RCAN2: variants seen among roughly 807,000 people sequenced by gnomAD.
RCAN2 encodes calcipressin-2.
RCAN2 carries 9 observed loss-of-function variants against 23.6 expected under a neutral mutation model. The observed-to-expected ratio is 0.38, with a 90% CI of 0.23 to 0.67. The LOEUF (loss-of-function observed/expected upper bound fraction) is 0.67, where lower values mean the gene tolerates loss of function less well. RCAN2 is among the 30% of genes least tolerant of loss of function. The probability of loss-of-function intolerance (pLI) is 0.51; values close to 1 mark genes in which losing one functional copy is unlikely to be tolerated. For missense variants in RCAN2, 273 were observed against 302.3 expected (o/e 0.90, Z 0.72); for synonymous variants, 109 against 115.7 (o/e 0.94, Z 0.37).
At chr6:46,440,260 T>C (rs57665234) in intron 2 of RCAN2, among the ~76,000 whole-genome samples, 3,657 of 152,310 alleles carry the variant, frequency 0.024, 74 homozygotes, top group South Asian at 0.12. Flanking sequence ...AATTACCCAG[T>C]GCTTTTCTAA....
intron 2 of RCAN2, among the ~76,000 whole-genome samples, chr6:46,332,125 C>G (rs986285741): frequency 5.9e-5 from 9 of 152,018 alleles, no homozygotes; most frequent in African/African-American, 2.2e-4. Context: ...TTTTTGATGC[C>G]TAATGATTGT....
intron 4 of RCAN2, among the ~76,000 whole-genome samples, chr6:46,238,452 AGG>A (rs1242565639): frequency 6.6e-6 from 1 of 152,198 alleles, no homozygotes; most frequent in East Asian, 1.9e-4. Flanking sequence ...GTGAGACCCA[AGG>A]ATGCTAAATG....
At chr6:46,474,173 T>C (rs745633925) in intron 1 of RCAN2, among the ~76,000 whole-genome samples, 1 of 149,502 alleles carries the variant, frequency 6.7e-6, no homozygotes, top group Non-Finnish European at 1.5e-5. Context: ...AATTGGTGAA[T>C]AGGTAGAGAG....
intron 2 of RCAN2, among the ~76,000 whole-genome samples, chr6:46,318,166 G>T (rs1763501399): frequency 1.3e-5 from 2 of 152,274 alleles, no homozygotes; most frequent in East Asian, 1.9e-4. Context: ...TTAAATGTTT[G>T]GGGTACAGCA....
rs1766121682 is a variant in RCAN2, at chr6:46,397,372, A to ACACACAC, written c.225+59379_225+59380insGTGTGTG. ...TCCATATAGGATAAAATTTCACAGA[A>ACACACAC]ACACACACACACACACACACACACA... is the stretch of plus-strand genomic sequence containing the variant. On this transcript the variant is annotated intron_variant, in intron 2 of 4. Transcript: ENST00000371374. Among the ~76,000 whole-genome samples, 44 of 146,240 alleles carry ACACACAC rather than the reference A, an allele frequency of 3.0e-4. No individual in the cohort carries two copies. The South Asian group carries it at 9.6e-3, about 32-fold the overall frequency.
At chr6:46,473,721 T>C (rs1233233143) in intron 1 of RCAN2, among the ~76,000 whole-genome samples, 1 of 152,158 alleles carries the variant, frequency 6.6e-6, no homozygotes, top group Non-Finnish European at 1.5e-5. Flanking sequence ...ATTTTGACTG[T>C]GGATAAGGGA....
chr6:46,361,449 A>T (rs1424429137), intron 2 of RCAN2, among the ~76,000 whole-genome samples: 1 of 152,186 alleles, frequency 6.6e-6, no homozygotes, highest in Admixed American at 6.5e-5. Context: ...AAAAAGAACT[A>T]GTTTGACTAT....
intron 2 of RCAN2, among the ~76,000 whole-genome samples, chr6:46,268,088 C>T (rs1403452066): frequency 4.6e-5 from 7 of 152,220 alleles, no homozygotes; most frequent in Non-Finnish European, 8.8e-5. Context: ...TAGTGACTCT[C>T]TTAATTCCAA....
chr6:46,351,362 A>T (rs1291247767), intron 2 of RCAN2, among the ~76,000 whole-genome samples: 2 of 152,250 alleles, frequency 1.3e-5, no homozygotes, highest in African/African-American at 4.8e-5. Flanking sequence ...ATGATCTAGC[A>T]TCCTAGTCAA....
intron 2 of RCAN2, among the ~76,000 whole-genome samples, chr6:46,419,805 C>A (rs1285144011): frequency 6.6e-6 from 1 of 152,116 alleles, no homozygotes; most frequent in Non-Finnish European, 1.5e-5. Context: ...TGAGAAAGAA[C>A]ATAAATAAGT....
intron 2 of RCAN2, among the ~76,000 whole-genome samples, chr6:46,421,319 G>A (rs1415037914): frequency 6.6e-6 from 1 of 152,118 alleles, no homozygotes; most frequent in Non-Finnish European, 1.5e-5. Flanking sequence ...TGGGGCAGTG[G>A]GAACAACTGA....
At chr6:46,271,181 A>G (rs948702880) in intron 2 of RCAN2, among the ~76,000 whole-genome samples, 2 of 152,154 alleles carry the variant, frequency 1.3e-5, no homozygotes, top group African/African-American at 4.8e-5. Flanking sequence ...CATCTATTTA[A>G]TGAGAGAAAG....
intron 2 of RCAN2, among the ~76,000 whole-genome samples, chr6:46,310,558 T>C (rs1025398587): frequency 4.8e-5 from 7 of 145,792 alleles, no homozygotes; most frequent in Admixed American, 1.3e-4. Flanking sequence ...AGAATGAAGA[T>C]TGATTCATAC....
At chr6:46,357,647 T>G (rs1189024506) in intron 2 of RCAN2, among the ~76,000 whole-genome samples, 1 of 152,192 alleles carries the variant, frequency 6.6e-6, no homozygotes, top group Non-Finnish European at 1.5e-5. Context: ...GAGGTCCTAG[T>G]GTTCCTGTTT....
chr6:46,378,266 T>C (rs1765534216), intron 2 of RCAN2, among the ~76,000 whole-genome samples: 1 of 152,142 alleles, frequency 6.6e-6, no homozygotes. Context: ...GAAAATAGAA[T>C]GTGATGAAAG....
At position 46,325,645 on chromosome 6, in the gene RCAN2, C is replaced by T. The variant is rs928042922; in HGVS notation, c.226-76749G>A. The T allele has an allele frequency of 6.9e-5, 98 of 1,419,454 alleles. 1 individual carries two copies. The East Asian group carries it at 2.3e-3, about 33-fold the overall frequency. 87.9% of individuals were successfully genotyped at this position (1,419,454 alleles called of 1,614,324 possible). On this transcript the variant is annotated intron_variant, in intron 2 of 4. Transcript: ENST00000371374. ...CCCGCTCCCACTGCACGCAGCCCTC[C>T]GCGTCTGAGGCAGCACAGCAGAGTA...
intron 2 of RCAN2, among the ~76,000 whole-genome samples, chr6:46,343,474 C>T: frequency 6.7e-6 from 1 of 150,286 alleles, no homozygotes; most frequent in Non-Finnish European, 1.5e-5. Context: ...CTCCCGGGTT[C>T]ATGCCATTCT....
intron 1 of RCAN2, among the ~76,000 whole-genome samples, chr6:46,482,927 T>C (rs959694951): frequency 6.6e-6 from 1 of 152,240 alleles, no homozygotes; most frequent in Admixed American, 6.5e-5. Context: ...GAAAGCATTA[T>C]GAGGAGCTGC....
At chr6:46,272,064 A>G (rs1767537831) in intron 2 of RCAN2, among the ~76,000 whole-genome samples, 1 of 152,234 alleles carries the variant, frequency 6.6e-6, no homozygotes, top group South Asian at 2.1e-4. Flanking sequence ...TGAAGAAGTT[A>G]AGAACCTTGC....
Sources: allele counts gnomAD v4.1 joint callset (sites outside exome capture counted in the v4.1 genomes callset), GRCh38; gene constraint gnomAD v4.1.1; transcripts MANE v1.5; gene names NCBI Gene and HGNC (gene_info 2026-07-23, HGNC 2026-07-21).